Variants in C13orf46 observed in about 807,000 individuals in gnomAD.
C13orf46 encodes chromosome 13 open reading frame 46.
chr13:113,951,727 T>C (rs890658491), downstream of C13orf46, among the ~76,000 whole-genome samples: 224 of 152,346 alleles, frequency 1.5e-3, 2 homozygotes, highest in Middle Eastern at 0.01. Flanking sequence ...CGCCAGGCCA[T>C]GGCGCTGCGG....
At chr13:113,936,123 G>C in the C13orf46 span, among the ~76,000 whole-genome samples, 1 of 152,332 alleles carries the variant, frequency 6.6e-6, no homozygotes, top group South Asian at 2.1e-4. Flanking sequence ...TGAAGAGCCG[G>C]AGAAACTCAG....
At chr13:113,964,849 T>C (rs2052620860) in intron 6 of C13orf46, 78 bp downstream of exon 6, 1 of 152,206 alleles carries the variant, frequency 6.6e-6, no homozygotes, top group East Asian at 1.9e-4. Flanking sequence ...ACACAAGGCA[T>C]GGTGGGCACA....
chr13:113,941,638 G>A, the C13orf46 span, among the ~76,000 whole-genome samples: 210 of 152,348 alleles, frequency 1.4e-3, 1 homozygote, highest in African/African-American at 4.8e-3. Flanking sequence ...CGTTTCCCAG[G>A]CTGGGCTGCT....
chr13:113,938,979 C>T, the C13orf46 span, among the ~76,000 whole-genome samples: 18 of 152,276 alleles, frequency 1.2e-4, no homozygotes, highest in South Asian at 3.7e-3. Context: ...CAGCCACCCC[C>T]ACCCCAGGCC....
At chr13:113,932,040 C>G in the C13orf46 span, among the ~76,000 whole-genome samples, 1 of 152,140 alleles carries the variant, frequency 6.6e-6, no homozygotes, top group Admixed American at 6.5e-5. Context: ...CGTGTATACT[C>G]TTATTGCCTG....
At chr13:113,965,809 G>A (rs891419171) in intron 5 of C13orf46, among the ~76,000 whole-genome samples, 18 of 146,108 alleles carry the variant, frequency 1.2e-4, no homozygotes, top group African/African-American at 4.1e-4. Flanking sequence ...GGTGATGATG[G>A]TGAAGGTGAT....
the C13orf46 span, among the ~76,000 whole-genome samples, chr13:113,943,777 G>GT: frequency 6.6e-6 from 1 of 152,230 alleles, no homozygotes; most frequent in Admixed American, 6.5e-5. Context: ...CCCTTGCAAC[G>GT]TGAGGGAAGG....
intron 2 of C13orf46, among the ~76,000 whole-genome samples, chr13:113,969,463 C>T (rs2052681538): frequency 6.6e-6 from 1 of 152,340 alleles, no homozygotes; most frequent in African/African-American, 2.4e-5. Flanking sequence ...CTGTCTAACA[C>T]ACGAACACTC....
chr13:113,938,309 T>A, the C13orf46 span, among the ~76,000 whole-genome samples: 93 of 152,300 alleles, frequency 6.1e-4, no homozygotes, highest in African/African-American at 2.1e-3. Flanking sequence ...AGCTCAAATG[T>A]ATTATCTTAC....
At position 113,968,176 on chromosome 13, in the gene C13orf46, T is replaced by C. The variant is rs1007785718; in HGVS notation, c.456+291A>G. 1.3e-4 allele frequency among the ~76,000 whole-genome samples: 20 copies of C among 152,220 alleles called. No individual in the cohort carries two copies. In the South Asian group the frequency reaches 3.9e-3, roughly 30 times the overall value. On this transcript the variant is annotated intron_variant, in intron 4 of 6. Coordinates refer to ENST00000636427, the MANE Select transcript of C13orf46 (RefSeq NM_001365455.2). ...ACATCAAGCCTGGGGCTCTGGGTGT[T>C]TTCTGGGCCAAGGTCAAGCTGAGGG...
chr13:113,963,421 C>G, intron 6 of C13orf46, among the ~76,000 whole-genome samples: 1 of 139,614 alleles, frequency 7.2e-6, no homozygotes, highest in East Asian at 2.2e-4. Context: ...CTGTCCTCAG[C>G]CTCGGCCCTG....
the C13orf46 span, among the ~76,000 whole-genome samples, chr13:113,939,125 T>G: frequency 1.2e-3 from 183 of 151,850 alleles, no homozygotes; most frequent in Admixed American, 3.2e-3. Flanking sequence ...TCAGTGGAAC[T>G]TGCTCAGCTC....
intron 1 of C13orf46, among the ~76,000 whole-genome samples, chr13:113,971,206 C>G (rs543911711): frequency 6.6e-6 from 1 of 152,158 alleles, no homozygotes; most frequent in African/African-American, 2.4e-5. Flanking sequence ...CCCCTTGGCC[C>G]GGGATTCAAA....
At chr13:113,948,643 A>C in the C13orf46 span, among the ~76,000 whole-genome samples, 348 of 152,228 alleles carry the variant, frequency 2.3e-3, 1 homozygote, top group African/African-American at 8.1e-3. Context: ...GGAGCGCTGA[A>C]CCTCACGCTG....
At chr13:113,967,240 G>C (rs1221913644) in intron 5 of C13orf46, 101 bp downstream of exon 5, 2 of 152,238 alleles carry the variant, frequency 1.3e-5, no homozygotes, top group African/African-American at 4.8e-5. Flanking sequence ...GCTATTGTGG[G>C]GTAAGTTCCC....
At chr13:113,937,695 C>T in the C13orf46 span, among the ~76,000 whole-genome samples, 3 of 152,156 alleles carry the variant, frequency 2.0e-5, no homozygotes, top group African/African-American at 7.2e-5. Flanking sequence ...CGGATGAACG[C>T]TGGTTCGGTC....
At chr13:113,966,459 G>A (rs895151990) in intron 5 of C13orf46, among the ~76,000 whole-genome samples, 38 of 151,614 alleles carry the variant, frequency 2.5e-4, no homozygotes, top group African/African-American at 7.0e-4. Flanking sequence ...TGATGATGAC[G>A]GTGGTGATGA....
chr13:113,958,788 G>A (rs2052563397), intron 6 of C13orf46, among the ~76,000 whole-genome samples: 1 of 152,170 alleles, frequency 6.6e-6, no homozygotes, highest in Non-Finnish European at 1.5e-5. Context: ...GGACACTGCA[G>A]GGACCTGGCA....
At chr13:113,929,845 G>A in the C13orf46 span, among the ~76,000 whole-genome samples, 4 of 152,184 alleles carry the variant, frequency 2.6e-5, no homozygotes, top group Admixed American at 6.5e-5. Context: ...TGGGCCCAGC[G>A]CCCTCCAATG....
Sources: allele counts gnomAD v4.1 joint callset (sites outside exome capture counted in the v4.1 genomes callset), GRCh38; gene constraint gnomAD v4.1.1; transcripts MANE v1.5; gene names NCBI Gene and HGNC (gene_info 2026-07-23, HGNC 2026-07-21).